CTNNA2: variants seen among roughly 807,000 people sequenced by gnomAD.
CTNNA2 encodes catenin alpha 2.
In CTNNA2, 42 loss-of-function variants were observed where a neutral mutation model predicts 101.0. The ratio of observed to expected loss-of-function variants is 0.42; its 90% CI spans 0.32 to 0.54. The LOEUF is 0.54. Ranked by LOEUF, CTNNA2 falls within the 20% of genes least tolerant of loss-of-function variation. The pLI, the probability that CTNNA2 is intolerant of heterozygous loss-of-function variation, is 0.14. For synonymous variants in CTNNA2, 450 were observed against 456.4 expected (o/e 0.99, Z 0.18); for missense variants, 871 against 1,223.1 (o/e 0.71, Z 4.29).
chr2:79,654,847 C>T (rs900807040), intron 2 of CTNNA2, among the ~76,000 whole-genome samples: 1 of 151,326 alleles, frequency 6.6e-6, no homozygotes, highest in Non-Finnish European at 1.5e-5. Flanking sequence ...GTATGTTGGC[C>T]ACCTACTCAG....
At chr2:79,659,364 G>T (rs752088346) in intron 2 of CTNNA2, among the ~76,000 whole-genome samples, 3 of 151,966 alleles carry the variant, frequency 2.0e-5, no homozygotes, top group Non-Finnish European at 4.4e-5. Context: ...TATCATTATT[G>T]AGAGTCACCT....
Position 80,618,459 on chromosome 2 carries a change from T to C in CTNNA2, c.2431-626T>C, listed in dbSNP as rs186800687. 7.2e-5 allele frequency among the ~76,000 whole-genome samples: 11 copies of C among 152,032 alleles called. No individual in the cohort carries two copies. The East Asian group carries it at 2.1e-3, about 30-fold the overall frequency. Reference sequence around the variant, plus strand: ...TAAAGGTAGAAAAGGGCATTGGTTATTGGCTTATCCTTTAAATTATGCCCC... The same window carrying C: ...TAAAGGTAGAAAAGGGCATTGGTTACTGGCTTATCCTTTAAATTATGCCCC... On this transcript the variant is annotated intron_variant, in intron 17 of 18. Transcript: ENST00000402739.
At chr2:79,500,889 G>A (rs925181719) in intron 4 of CTNNA2, 8 of 152,230 alleles carry the variant, frequency 5.3e-5, no homozygotes, top group African/African-American at 1.7e-4. Context: ...CCCTAGCAGG[G>A]AAGCACTGAG....
At chr2:80,162,890 C>A (rs1704419505) in intron 7 of CTNNA2, 1 of 1,579,492 alleles carries the variant, frequency 6.3e-7, no homozygotes, top group Non-Finnish European at 8.7e-7. Context: ...TATCCCTAGT[C>A]CTTTCGTACC....
At chr2:80,202,582 C>G (rs1051773905) in intron 7 of CTNNA2, among the ~76,000 whole-genome samples, 1 of 152,108 alleles carries the variant, frequency 6.6e-6, no homozygotes, top group African/African-American at 2.4e-5. Context: ...TTTTACACAA[C>G]TCAGTAATAT....
intron 7 of CTNNA2, among the ~76,000 whole-genome samples, chr2:80,250,208 T>A (rs888071363): frequency 1.1e-4 from 17 of 148,150 alleles, no homozygotes; most frequent in African/African-American, 3.3e-4. Flanking sequence ...AGAGAGAGTG[T>A]GTGTGTGTGT....
chr2:80,032,019 C>T (rs1695324643), intron 7 of CTNNA2, among the ~76,000 whole-genome samples: 1 of 152,138 alleles, frequency 6.6e-6, no homozygotes, highest in South Asian at 2.1e-4. Flanking sequence ...TTCTTCTTCT[C>T]CTCTTAGAAA....
chr2:80,457,534 A>G (rs1559126336), intron 9 of CTNNA2, among the ~76,000 whole-genome samples: 1 of 152,146 alleles, frequency 6.6e-6, no homozygotes, highest in Admixed American at 6.6e-5. Context: ...TGTCTATATT[A>G]TTAATATTAA....
chr2:80,337,749 C>G (rs964760288), intron 7 of CTNNA2, among the ~76,000 whole-genome samples: 3 of 152,126 alleles, frequency 2.0e-5, no homozygotes, highest in Admixed American at 2.0e-4. Flanking sequence ...GGAATGCGCA[C>G]CCAACAACTG....
chr2:80,260,009 GT>G (rs1335664116), intron 7 of CTNNA2, among the ~76,000 whole-genome samples: 1 of 152,168 alleles, frequency 6.6e-6, no homozygotes, highest in African/African-American at 2.4e-5. Context: ...TCCAGGTACT[GT>G]GTTGATTAGT....
chr2:79,906,917 C>T (rs1574281056), intron 6 of CTNNA2, among the ~76,000 whole-genome samples: 1 of 152,254 alleles, frequency 6.6e-6, no homozygotes, highest in East Asian at 1.9e-4. Flanking sequence ...CTTATTTTTT[C>T]ATCAAAACAT....
At chr2:79,320,260 A>ATTTTTTTTTTTT (rs34694986) in intron 3 of CTNNA2, among the ~76,000 whole-genome samples, 1 of 119,786 alleles carries the variant, frequency 8.3e-6, no homozygotes, top group African/African-American at 3.2e-5. Flanking sequence ...TTACGTTTCA[A>ATTTTTTTTTTTT]TTTTTTTTTT....
At chr2:80,472,455 T>C (rs1685387552) in intron 9 of CTNNA2, among the ~76,000 whole-genome samples, 1 of 152,130 alleles carries the variant, frequency 6.6e-6, no homozygotes, top group Admixed American at 6.5e-5. Context: ...AGTGGGAAGA[T>C]GGTATCTTGG....
At chr2:79,751,753 T>C (rs1490762080) in intron 3 of CTNNA2, among the ~76,000 whole-genome samples, 1 of 152,066 alleles carries the variant, frequency 6.6e-6, no homozygotes, top group Non-Finnish European at 1.5e-5. Context: ...ACTTAAATGA[T>C]ATTTTAGAAA....
chr2:79,208,610 T>C (rs1470988274), intron 2 of CTNNA2, among the ~76,000 whole-genome samples: 1 of 152,132 alleles, frequency 6.6e-6, no homozygotes, highest in Non-Finnish European at 1.5e-5. Context: ...CTCTTCTAAG[T>C]GGATAGTTCT....
intron 2 of CTNNA2, among the ~76,000 whole-genome samples, chr2:79,238,859 T>A (rs1674589173): frequency 6.6e-6 from 1 of 152,196 alleles, no homozygotes; most frequent in Non-Finnish European, 1.5e-5. Flanking sequence ...TTGCAATATA[T>A]TTTTCACTAT....
At chr2:79,225,842 T>C (rs2104229579) in intron 2 of CTNNA2, among the ~76,000 whole-genome samples, 1 of 152,346 alleles carries the variant, frequency 6.6e-6, no homozygotes, top group South Asian at 2.1e-4. Context: ...TGTTAAGGCT[T>C]TTATTGAATA....
intron 3 of CTNNA2, among the ~76,000 whole-genome samples, chr2:79,796,878 C>T (rs1675749306): frequency 6.6e-6 from 1 of 152,128 alleles, no homozygotes; most frequent in Non-Finnish European, 1.5e-5. Flanking sequence ...TGTTAGCCCT[C>T]CAGGAGATGG....
chr2:80,460,963 C>T (rs1181468330), intron 9 of CTNNA2, among the ~76,000 whole-genome samples: 3 of 152,174 alleles, frequency 2.0e-5, no homozygotes, highest in African/African-American at 7.2e-5. Flanking sequence ...AATGTTGACT[C>T]TACCGTTCCA....
Sources: gnomAD v4.1 joint callset for allele counts (sites outside exome capture counted in the v4.1 genomes callset) on GRCh38, gnomAD v4.1.1 for gene constraint, MANE v1.5 for transcripts, NCBI Gene and HGNC (gene_info 2026-07-23, HGNC 2026-07-21) for gene names.